MDGA2: variants seen among roughly 807,000 people sequenced by gnomAD.
The protein encoded by MDGA2 is MAM domain containing glycosylphosphatidylinositol anchor 2.
In MDGA2, 40 loss-of-function variants were observed where a neutral mutation model predicts 117.8. That is an observed-to-expected ratio of 0.34 (90% CI 0.26 to 0.44). The LOEUF (loss-of-function observed/expected upper bound fraction) is 0.44. Among genes scored for constraint, MDGA2 ranks in the 20% least tolerant of loss-of-function variants. The probability of loss-of-function intolerance (pLI) is 1.00; values close to 1 mark genes in which losing one functional copy is unlikely to be tolerated. For missense variants in MDGA2, 1,123 were observed against 1,250.6 expected, an observed-to-expected ratio of 0.90 and a Z score of 1.54; for synonymous variants, 452 against 439.0, an observed-to-expected ratio of 1.03 and a Z score of -0.37.
chr14:46,972,633 C>A (rs894897260), intron 8 of MDGA2, among the ~76,000 whole-genome samples: 2 of 151,982 alleles, frequency 1.3e-5, no homozygotes, highest in Non-Finnish European at 2.9e-5. Flanking sequence ...GATCCAAATC[C>A]AAATCACATG....
chr14:47,375,277 GC>G (rs1442916503), intron 1 of MDGA2, among the ~76,000 whole-genome samples: 2 of 150,922 alleles, frequency 1.3e-5, no homozygotes, highest in Non-Finnish European at 1.5e-5. Flanking sequence ...CTTAATCAAA[GC>G]CCTTATCACT....
chr14:47,580,581 A>G (rs1031606052), intron 1 of MDGA2, among the ~76,000 whole-genome samples: 3 of 152,050 alleles, frequency 2.0e-5, no homozygotes, highest in Admixed American at 6.6e-5. Flanking sequence ...TTGTAGAAAC[A>G]GAAATTTAAA....
chr14:47,661,151 A>G (rs574927216), intron 1 of MDGA2, among the ~76,000 whole-genome samples: 1 of 152,136 alleles, frequency 6.6e-6, no homozygotes, highest in African/African-American at 2.4e-5. Flanking sequence ...GAATAAGTAT[A>G]AGCACACACA....
rs150897627 is a variant in MDGA2, at chr14:47,142,444, A to AAAAC, written c.792+1630_792+1633dup. On this transcript the variant is annotated intron_variant, in intron 4 of 16. Coordinates refer to ENST00000399232, the MANE Select transcript of MDGA2 (RefSeq NM_001113498.3). ...GGTGACAGAGCAAGGCTCCATCTCA[A>AAAAC]AAACAAACAAACAAACAAACAAACA... is the stretch of plus-strand genomic sequence containing the variant. 8.0e-3 allele frequency among the ~76,000 whole-genome samples: 1,214 copies of AAAAC among 150,812 alleles called. 13 individuals carry two copies. The highest frequency in any genetic ancestry group is 0.013 in the East Asian group (67 of 5,046).
At chr14:47,673,669 T>TGTGC (rs1454273454) in intron 1 of MDGA2, among the ~76,000 whole-genome samples, 3 of 150,476 alleles carry the variant, frequency 2.0e-5, no homozygotes, top group Non-Finnish European at 4.4e-5. Context: ...TGTGTGTGTG[T>TGTGC]GCTTCCATCC....
intron 2 of MDGA2, among the ~76,000 whole-genome samples, chr14:47,290,184 T>C (rs1177847267): frequency 1.3e-5 from 2 of 152,100 alleles, no homozygotes; most frequent in African/African-American, 4.8e-5. Context: ...TTTGGAATCC[T>C]AATCCCCAGT....
chr14:47,635,975 C>A (rs1372706427), intron 1 of MDGA2, among the ~76,000 whole-genome samples: 2 of 152,176 alleles, frequency 1.3e-5, no homozygotes, highest in East Asian at 1.9e-4. Context: ...ACAAAAAACA[C>A]AGGCCATTTG....
intron 1 of MDGA2, among the ~76,000 whole-genome samples, chr14:47,535,071 T>C (rs1895180768): frequency 6.6e-6 from 1 of 152,230 alleles, no homozygotes; most frequent in South Asian, 2.1e-4. Context: ...TACTTCTGTT[T>C]CTTCAGAACC....
At chr14:46,967,462 G>A (rs999322745) in intron 8 of MDGA2, among the ~76,000 whole-genome samples, 3 of 152,236 alleles carry the variant, frequency 2.0e-5, no homozygotes, top group Admixed American at 2.0e-4. Context: ...AGAGTATTAG[G>A]TCAGGGAATT....
chr14:47,482,791 T>C (rs913660677), intron 1 of MDGA2, among the ~76,000 whole-genome samples: 2 of 151,842 alleles, frequency 1.3e-5, no homozygotes, highest in African/African-American at 4.8e-5. Context: ...TGTACCAAGA[T>C]GTCACTAGCA....
rs369833197 is a variant in MDGA2 at position 46,944,461 on chromosome 14, C to T, written c.2089+12913G>A. 1.2e-3 allele frequency among the ~76,000 whole-genome samples: 177 copies of T among 151,728 alleles called. 1 individual carries two copies. Among genetic ancestry groups the T allele is most frequent in the African/African-American group, 4.1e-3 (170 of 41,428 alleles). Reference sequence around the variant, plus strand: ...TGTGGTTTTCTTGTATTTTTCTTGCCTTGTGCACCATGATATGCTTGGATC... The same window carrying T: ...TGTGGTTTTCTTGTATTTTTCTTGCTTTGTGCACCATGATATGCTTGGATC... On this transcript the variant is annotated intron_variant, in intron 9 of 16. Transcript: ENST00000399232.
intron 6 of MDGA2, among the ~76,000 whole-genome samples, chr14:47,076,787 T>TTTTC (rs955731133): frequency 6.6e-6 from 1 of 152,068 alleles, no homozygotes; most frequent in African/African-American, 2.4e-5. Context: ...TCAGAATTAA[T>TTTTC]TTTCTTGAAT....
At chr14:47,566,659 T>C (rs1950390) in intron 1 of MDGA2, among the ~76,000 whole-genome samples, 21,572 of 152,044 alleles carry the variant, frequency 0.14, 1,972 homozygotes, top group Non-Finnish European at 0.21. Context: ...CATGAGCAGG[T>C]TGCACCATGC....
At chr14:47,518,080 G>A (rs1594896385) in intron 1 of MDGA2, among the ~76,000 whole-genome samples, 1 of 152,070 alleles carries the variant, frequency 6.6e-6, no homozygotes, top group East Asian at 1.9e-4. Context: ...GCAGTAAAGA[G>A]TGAAGAGGTA....
intron 3 of MDGA2, among the ~76,000 whole-genome samples, chr14:47,168,553 A>C (rs957909137): frequency 2.0e-5 from 3 of 152,020 alleles, no homozygotes; most frequent in African/African-American, 4.8e-5. Flanking sequence ...ATAATTGATG[A>C]AAAGTTATTA....
intron 5 of MDGA2, among the ~76,000 whole-genome samples, chr14:47,103,402 G>A (rs10143255): frequency 0.52 from 79,060 of 151,970 alleles, 20,970 homozygotes; most frequent in African/African-American, 0.64. Flanking sequence ...AGAAGTTGAT[G>A]TGAAAACTCA....
intron 8 of MDGA2, among the ~76,000 whole-genome samples, chr14:46,973,455 T>C (rs563327141): frequency 6.6e-6 from 1 of 152,118 alleles, no homozygotes; most frequent in Non-Finnish European, 1.5e-5. Context: ...ATCAGCCCCT[T>C]TGAGAAACAC....
intron 3 of MDGA2, among the ~76,000 whole-genome samples, chr14:47,147,598 G>A (rs956979003): frequency 3.9e-5 from 6 of 152,168 alleles, no homozygotes; most frequent in Admixed American, 1.3e-4. Flanking sequence ...CTTATTTCTA[G>A]AGAGAGCAAT....
At chr14:46,864,545 GTTTTTTT>G (rs71112467) in intron 14 of MDGA2, among the ~76,000 whole-genome samples, 1,333 of 51,434 alleles carry the variant, frequency 0.026, 14 homozygotes, top group African/African-American at 0.038. Context: ...AGATATTGCT[GTTTTTTT>G]TTTTTTTTTT....
Sources: gnomAD v4.1 joint callset for allele counts (sites outside exome capture counted in the v4.1 genomes callset) on GRCh38, gnomAD v4.1.1 for gene constraint, MANE v1.5 for transcripts, NCBI Gene and HGNC (gene_info 2026-07-23, HGNC 2026-07-21) for gene names.